AKAIN1: variants seen among roughly 807,000 people sequenced by gnomAD.
The protein encoded by AKAIN1 is A-kinase anchor protein inhibitor 1.
Under a neutral mutation model 3.7 loss-of-function variants are expected in AKAIN1, and 3 were observed. That is an observed-to-expected ratio of 0.82 (90% CI 0.37 to 2.12). The LOEUF (loss-of-function observed/expected upper bound fraction) is 2.12, where lower values mean the gene tolerates loss of function less well. AKAIN1 is among the 30% of genes most tolerant of loss of function. AKAIN1 has a pLI of 0.06. For missense variants in AKAIN1, 82 were observed against 82.7 expected (o/e 0.99, Z 0.03); for synonymous variants, 31 against 30.8 (o/e 1.01, Z -0.02).
intron 1 of AKAIN1, among the ~76,000 whole-genome samples, chr18:5,179,584 G>A (rs1374748759): frequency 1.3e-5 from 2 of 152,038 alleles, no homozygotes; most frequent in African/African-American, 4.8e-5. Context: ...TTTTCCTTTA[G>A]GTAGATACCC....
At chr18:5,161,602 T>G (rs777966230) in intron 1 of AKAIN1, among the ~76,000 whole-genome samples, 2 of 152,160 alleles carry the variant, frequency 1.3e-5, no homozygotes, top group African/African-American at 2.4e-5. Flanking sequence ...TATCTTGTTC[T>G]TAATCTCAGA....
At chr18:5,154,505 T>G (rs1214494273) in intron 1 of AKAIN1, among the ~76,000 whole-genome samples, 1 of 152,052 alleles carries the variant, frequency 6.6e-6, no homozygotes, top group Non-Finnish European at 1.5e-5. Flanking sequence ...TCTTTTTTCT[T>G]GCAGTCAGTA....
intron 1 of AKAIN1, among the ~76,000 whole-genome samples, 161 bp from the exon 2 acceptor site, chr18:5,145,916 G>A (rs1418868191): frequency 1.3e-5 from 2 of 152,156 alleles, no homozygotes. Flanking sequence ...ACATACAATT[G>A]GGGGATTGGT....
intron 1 of AKAIN1, among the ~76,000 whole-genome samples, chr18:5,168,092 C>A (rs1048687386): frequency 1.3e-5 from 2 of 152,014 alleles, no homozygotes; most frequent in Non-Finnish European, 2.9e-5. Context: ...TGGCTACTAC[C>A]AGAATTTTGC....
At chr18:5,177,289 AC>A in intron 1 of AKAIN1, among the ~76,000 whole-genome samples, 1 of 152,288 alleles carries the variant, frequency 6.6e-6, no homozygotes, top group East Asian at 1.9e-4. Flanking sequence ...AATTATTATT[AC>A]TATTCTATAA....
intron 1 of AKAIN1, among the ~76,000 whole-genome samples, chr18:5,194,311 A>G (rs1348479277): frequency 6.6e-6 from 1 of 152,208 alleles, no homozygotes; most frequent in African/African-American, 2.4e-5. Flanking sequence ...TCTATTAATA[A>G]TAAGAGAAAG....
At chr18:5,151,523 T>C (rs1390221769) in intron 1 of AKAIN1, among the ~76,000 whole-genome samples, 2 of 152,162 alleles carry the variant, frequency 1.3e-5, no homozygotes, top group Non-Finnish European at 2.9e-5. Context: ...TGTGCACCAT[T>C]ACCAAATCAG....
At position 5,145,448 on chromosome 18, in the gene AKAIN1, C is replaced by CAGCT; in HGVS notation, c.*110_*113dup. ...CAGGGGCTAGTGTGAATTCATTCTA[C>CAGCT]AGCTAGGTGCCGGTGACACTTCGGT... On this transcript the variant is annotated 3_prime_UTR_variant, in exon 2 of 2. Coordinates refer to ENST00000434239, the MANE Select transcript of AKAIN1 (RefSeq NM_001145194.2). 2 of 779,712 alleles carry CAGCT rather than the reference C, an allele frequency of 2.6e-6. No individual in the cohort carries two copies. The highest frequency in any genetic ancestry group is 5.4e-5 in the East Asian group (2 of 36,990). 48.3% of individuals were successfully genotyped at this position (779,712 alleles called of 1,614,324 possible).
chr18:5,177,427 T>G (rs2071232560), intron 1 of AKAIN1, among the ~76,000 whole-genome samples: 1 of 152,090 alleles, frequency 6.6e-6, no homozygotes, highest in African/African-American at 2.4e-5. Context: ...TATGCCATGA[T>G]TCCTGTACAC....
intron 1 of AKAIN1, among the ~76,000 whole-genome samples, chr18:5,165,893 C>T (rs2143338803): frequency 6.6e-6 from 1 of 152,132 alleles, no homozygotes; most frequent in East Asian, 1.9e-4. Flanking sequence ...CCACACTGGG[C>T]TGAGAATAAA....
chr18:5,181,940 C>A (rs141172231), intron 1 of AKAIN1, among the ~76,000 whole-genome samples: 3 of 152,240 alleles, frequency 2.0e-5, no homozygotes, highest in African/African-American at 7.2e-5. Context: ...GCACTATACC[C>A]TCACCAGAAA....
chr18:5,154,023 G>A (rs2071093302), intron 1 of AKAIN1, among the ~76,000 whole-genome samples: 1 of 152,116 alleles, frequency 6.6e-6, no homozygotes, highest in African/African-American at 2.4e-5. Flanking sequence ...CTTGTGTCTG[G>A]GAGATCGAGA....
chr18:5,187,026 ATACTC>A (rs948651274), intron 1 of AKAIN1, among the ~76,000 whole-genome samples: 2 of 152,308 alleles, frequency 1.3e-5, no homozygotes, highest in Admixed American at 1.3e-4. Context: ...AATTTTTAGA[ATACTC>A]TAAAGCAATG....
intron 1 of AKAIN1, among the ~76,000 whole-genome samples, chr18:5,190,812 T>G (rs1201794743): frequency 6.6e-6 from 1 of 152,150 alleles, no homozygotes; most frequent in Non-Finnish European, 1.5e-5. Context: ...ATATCTCTCA[T>G]GTCTCTTTCT....
At chr18:5,190,408 C>A (rs1005299949) in intron 1 of AKAIN1, among the ~76,000 whole-genome samples, 1 of 152,220 alleles carries the variant, frequency 6.6e-6, no homozygotes, top group Non-Finnish European at 1.5e-5. Flanking sequence ...TAAAAAGCTA[C>A]TGAAATTCAC....
intron 1 of AKAIN1, among the ~76,000 whole-genome samples, chr18:5,148,414 G>A (rs1184897722): frequency 6.6e-6 from 1 of 152,202 alleles, no homozygotes; most frequent in Non-Finnish European, 1.5e-5. Context: ...TGGAGGGCAA[G>A]CAATTTCTTT....
chr18:5,164,186 A>T (rs1344606061), intron 1 of AKAIN1, among the ~76,000 whole-genome samples: 3 of 152,104 alleles, frequency 2.0e-5, no homozygotes, highest in Admixed American at 6.6e-5. Context: ...TGTAGAAATG[A>T]TTTTATATAA....
At chr18:5,171,119 G>T (rs2071195509) in intron 1 of AKAIN1, 1 of 152,114 alleles carries the variant, frequency 6.6e-6, no homozygotes, top group African/African-American at 2.4e-5. Flanking sequence ...GCATTTTGTG[G>T]TGGGTTGCTA....
intron 1 of AKAIN1, among the ~76,000 whole-genome samples, chr18:5,181,038 AACAATT>A (rs2071255020): frequency 6.6e-6 from 1 of 152,008 alleles, no homozygotes; most frequent in Admixed American, 6.6e-5. Context: ...CTATAATAGC[AACAATT>A]TGGGAAGGTG....
Sources: gnomAD v4.1 joint callset for allele counts (sites outside exome capture counted in the v4.1 genomes callset) on GRCh38, gnomAD v4.1.1 for gene constraint, MANE v1.5 for transcripts, NCBI Gene and HGNC (gene_info 2026-07-23, HGNC 2026-07-21) for gene names.